DCLRE1C: variants seen among roughly 807,000 people sequenced by gnomAD.
The protein encoded by DCLRE1C is protein artemis.
A neutral mutation model predicts 61.4 loss-of-function variants in DCLRE1C; 47 were observed. The observed-to-expected ratio is 0.77, with a 90% CI of 0.61 to 0.98. The LOEUF (loss-of-function observed/expected upper bound fraction) is 0.98. DCLRE1C is among the 50% of genes least tolerant of loss of function. The pLI is 0.00. For synonymous variants in DCLRE1C, 337 were observed against 287.6 expected (o/e 1.17, Z -1.74); for missense variants, 858 against 816.0 (o/e 1.05, Z -0.63).
At chr10:14,944,620 A>G (rs896242109) in intron 3 of DCLRE1C, among the ~76,000 whole-genome samples, 2 of 151,900 alleles carry the variant, frequency 1.3e-5, no homozygotes, top group African/African-American at 2.4e-5. Flanking sequence ...AACAACTACC[A>G]AATGTTGACT....
chr10:14,947,969 G>A (rs1162569339), intron 2 of DCLRE1C, among the ~76,000 whole-genome samples: 1 of 152,212 alleles, frequency 6.6e-6, no homozygotes, highest in African/African-American at 2.4e-5. Flanking sequence ...TGAGGCAAAA[G>A]AATCACTCGA....
At chr10:14,921,097 T>A (rs1008834662) in intron 12 of DCLRE1C, among the ~76,000 whole-genome samples, 3 of 152,098 alleles carry the variant, frequency 2.0e-5, no homozygotes, top group Admixed American at 6.6e-5. Context: ...GGTGGGCAGA[T>A]CACGAGAGGT....
At chr10:14,939,279 A>C (rs1019567186) in intron 4 of DCLRE1C, among the ~76,000 whole-genome samples, 1 of 152,052 alleles carries the variant, frequency 6.6e-6, no homozygotes, top group Non-Finnish European at 1.5e-5. Flanking sequence ...TCTACTAAAA[A>C]TACAATAATT....
intron 10 of DCLRE1C, 38 bp from the exon 11 acceptor site, chr10:14,926,935 G>T: frequency 1.3e-6 from 2 of 1,573,646 alleles, no homozygotes; most frequent in South Asian, 1.1e-5. Context: ...AAAGATCACT[G>T]AGCAAAACTA....
intron 3 of DCLRE1C, among the ~76,000 whole-genome samples, chr10:14,940,285 CTTTTATTTT>C (rs1240381200): frequency 1.4e-4 from 14 of 103,222 alleles, no homozygotes; most frequent in African/African-American, 4.6e-4. Flanking sequence ...ATACACGGTT[CTTTTATTTT>C]TTTTTTTTTT....
downstream of DCLRE1C, among the ~76,000 whole-genome samples, chr10:14,900,565 A>G (rs1034501393): frequency 6.6e-6 from 1 of 152,366 alleles, no homozygotes; most frequent in African/African-American, 2.4e-5. Flanking sequence ...TATTCTATCC[A>G]GGGCCATCAA....
At chr10:14,938,982 T>A (rs557826225) in intron 4 of DCLRE1C, among the ~76,000 whole-genome samples, 145 of 152,302 alleles carry the variant, frequency 9.5e-4, no homozygotes, top group African/African-American at 3.4e-3. Flanking sequence ...TATGTTGAAA[T>A]CCTAACCCCC....
At chr10:14,945,441 A>G (rs7920514) in intron 2 of DCLRE1C, 933,816 of 1,209,566 alleles carry the variant, frequency 0.77, 361,478 homozygotes, top group East Asian at 0.91. Flanking sequence ...ATACCTATGC[A>G]CACCATTTCA....
chr10:14,914,556 A>G (rs1835849344), intron 13 of DCLRE1C, among the ~76,000 whole-genome samples: 1 of 152,230 alleles, frequency 6.6e-6, no homozygotes, highest in Admixed American at 6.5e-5. Context: ...ACAGTAGTAC[A>G]TATATTTCTT....
rs41300704 is a variant in DCLRE1C, at chr10:14,906,640, G to A, written c.*1768C>T. ...CTGGTGGATCCAATACTTTTTGGTC[G>A]GATTGCCATGCAGCATCATGATAAT... On this transcript the variant is annotated 3_prime_UTR_variant, in exon 14 of 14. Transcript: ENST00000378278. Among the ~76,000 whole-genome samples, 3,353 of 152,190 alleles carry A rather than the reference G, an allele frequency of 0.022. 111 individuals are homozygous for A. Among genetic ancestry groups the A allele is most frequent in the African/African-American group, 0.074 (3,075 of 41,512 alleles).
rs1017095844 is a variant in DCLRE1C at position 14,908,632 on chromosome 10, C to T, written c.1855G>A (p.Gly619Arg). ...TCACTGCTTAGAGTAGTTGGTTCTC[C>T]AGTACTAGGAACTATTGTCACATCT... is the stretch of plus-strand genomic sequence containing the variant. Reference protein sequence around the residue: ...DKDVTIVPSTGEPTTLSSETH... With the variant: ...DKDVTIVPSTREPTTLSSETH... The change falls in exon 14 of 14, where the codon GGA becomes AGA. Residue 619 changes from glycine (G) to arginine (R), a missense_variant. Gly to Arg is a moderately radical substitution (Grantham distance 125). Transcript: ENST00000378278. 3 of 1,614,140 alleles carry T rather than the reference C, an allele frequency of 1.9e-6. No individual in the cohort carries two copies. The East Asian group carries it at 6.7e-5, about 36-fold the overall frequency.
At chr10:14,937,178 G>A (rs147731513) in intron 4 of DCLRE1C, among the ~76,000 whole-genome samples, 1,538 of 152,084 alleles carry the variant, frequency 0.01, 27 homozygotes, top group African/African-American at 0.035. Context: ...GATTGCGATC[G>A]CTAAAGGCTT....
rs987509050 is a variant in DCLRE1C at position 14,905,852 on chromosome 10, C to T, written c.*2556G>A. Among the ~76,000 whole-genome samples the T allele has an allele frequency of 6.6e-6, 1 of 152,084 alleles. No homozygotes were observed. The highest frequency in any genetic ancestry group is 1.9e-4 in the East Asian group (1 of 5,178). ...ATACAAAAATTAGCCAGGTGTGGCA[C>T]ACACCTGTAATCCCAGCTACTTGGG... On this transcript the variant is annotated 3_prime_UTR_variant, in exon 14 of 14. Transcript: ENST00000378278.
At chr10:14,947,290 C>G (rs1358406474) in intron 2 of DCLRE1C, among the ~76,000 whole-genome samples, 1 of 152,092 alleles carries the variant, frequency 6.6e-6, no homozygotes, top group Admixed American at 6.5e-5. Flanking sequence ...GTTTTCCCAG[C>G]CCAGGTATCA....
intron 13 of DCLRE1C, among the ~76,000 whole-genome samples, chr10:14,915,585 A>T (rs1290185121): frequency 6.6e-6 from 1 of 151,860 alleles, no homozygotes; most frequent in Non-Finnish European, 1.5e-5. Flanking sequence ...AACTCAATAA[A>T]AAAAAAAATA....
At chr10:14,913,648 T>C (rs1440987777) in intron 13 of DCLRE1C, among the ~76,000 whole-genome samples, 2 of 152,114 alleles carry the variant, frequency 1.3e-5, no homozygotes, top group African/African-American at 4.8e-5. Context: ...TCAAACATAT[T>C]TGGAAAAAAG....
chr10:14,913,334 CTGTT>C (rs1347301547), intron 13 of DCLRE1C, among the ~76,000 whole-genome samples: 5 of 152,330 alleles, frequency 3.3e-5, no homozygotes, highest in Admixed American at 6.5e-5. Flanking sequence ...TTGTACAATT[CTGTT>C]ATACTAACAG....
chr10:14,922,980 C>T lies in DCLRE1C; in HGVS notation c.1061+1G>A. ...AAGTCCCACAACCAGTGACTACTCA[C>T]ATTTCGACAACTTTATCCATAGTTG... On this transcript the variant is annotated splice_donor_variant, in intron 12 of 13. Transcript: ENST00000378278. LOFTEE classifies it high-confidence loss of function. 1 of 1,612,884 alleles carries T rather than the reference C, an allele frequency of 6.2e-7. No individual in the cohort carries two copies. Among genetic ancestry groups the T allele is most frequent in the Non-Finnish European group, 8.5e-7 (1 of 1,178,854 alleles).
At chr10:14,935,138 A>G (rs1020603335) in intron 6 of DCLRE1C, among the ~76,000 whole-genome samples, 22 of 151,428 alleles carry the variant, frequency 1.5e-4, no homozygotes, top group Admixed American at 1.4e-3. Flanking sequence ...ACACCCGGCC[A>G]GAGCAATAAA....
Sources: allele counts gnomAD v4.1 joint callset (sites outside exome capture counted in the v4.1 genomes callset), GRCh38; gene constraint gnomAD v4.1.1; transcripts MANE v1.5; gene names NCBI Gene and HGNC (gene_info 2026-07-23, HGNC 2026-07-21).